Variants in GPC5 observed in about 807,000 individuals in gnomAD.
The protein encoded by GPC5 is glypican 5, also known as glypican-5.
In GPC5, 47 loss-of-function variants were observed where a neutral mutation model predicts 53.9. That is an observed-to-expected ratio of 0.87 (90% confidence interval 0.69 to 1.11). GPC5 has a LOEUF of 1.11. GPC5 is among the 50% of genes most tolerant of loss of function. The probability of loss-of-function intolerance (pLI) is 0.00; values close to 1 mark genes in which losing one functional copy is unlikely to be tolerated. For missense variants in GPC5, 748 were observed against 713.1 expected (o/e 1.05, Z -0.56); for synonymous variants, 286 against 263.3 (o/e 1.09, Z -0.84).
intron 7 of GPC5, among the ~76,000 whole-genome samples, chr13:92,641,386 T>G (rs1885590087): frequency 6.6e-6 from 1 of 152,152 alleles, no homozygotes; most frequent in Non-Finnish European, 1.5e-5. Context: ...GCCTGAATTT[T>G]TCAAAACTCC....
chr13:92,347,553 T>G (rs1304145070), intron 7 of GPC5, among the ~76,000 whole-genome samples: 1 of 151,644 alleles, frequency 6.6e-6, no homozygotes, highest in Non-Finnish European at 1.5e-5. Context: ...TTCTTTAAGC[T>G]GAAACAAAAA....
intron 2 of GPC5, among the ~76,000 whole-genome samples, chr13:91,579,928 A>G (rs1163601702): frequency 6.6e-6 from 1 of 152,074 alleles, no homozygotes; most frequent in Non-Finnish European, 1.5e-5. Context: ...TGCTATTAGT[A>G]AGAGCCTCAG....
chr13:91,958,819 T>C (rs2139071553), intron 6 of GPC5, among the ~76,000 whole-genome samples: 1 of 151,982 alleles, frequency 6.6e-6, no homozygotes, highest in East Asian at 1.9e-4. Flanking sequence ...TAACAAAGTT[T>C]CTTGAAACAA....
chr13:91,432,203 C>CTGCTGGTGTGTGTGTGTGTG (rs1555306318), intron 1 of GPC5, among the ~76,000 whole-genome samples: 1 of 136,354 alleles, frequency 7.3e-6, no homozygotes, highest in African/African-American at 2.8e-5. Flanking sequence ...GCTGCTGCTG[C>CTGCTGGTGTGTGTGTGTGTG]TGTGTGTGTG....
chr13:91,717,718 G>A (rs1186100779), intron 3 of GPC5, among the ~76,000 whole-genome samples: 3 of 151,928 alleles, frequency 2.0e-5, no homozygotes, highest in African/African-American at 4.8e-5. Flanking sequence ...CATCATGCCC[G>A]GCTAATTTTT....
intron 7 of GPC5, among the ~76,000 whole-genome samples, chr13:92,296,011 G>T (rs9589486): frequency 6.6e-6 from 1 of 151,868 alleles, no homozygotes; most frequent in Non-Finnish European, 1.5e-5. Context: ...TGTTGCCTGT[G>T]TACCTTGGTT....
At chr13:91,452,568 A>G (rs375804428) in intron 2 of GPC5, among the ~76,000 whole-genome samples, 1 of 152,124 alleles carries the variant, frequency 6.6e-6, no homozygotes, top group African/African-American at 2.4e-5. Context: ...TTTTGCTATA[A>G]GATTTTCTGC....
intron 7 of GPC5, among the ~76,000 whole-genome samples, chr13:92,186,001 G>A (rs887806469): frequency 2.0e-5 from 3 of 152,106 alleles, no homozygotes; most frequent in African/African-American, 4.8e-5. Flanking sequence ...GCTTTGAGCA[G>A]TAATGAAATA....
At chr13:92,242,235 A>C (rs2042618329) in intron 7 of GPC5, among the ~76,000 whole-genome samples, 1 of 145,062 alleles carries the variant, frequency 6.9e-6, no homozygotes, top group African/African-American at 2.8e-5. Context: ...TCTGTCTCAA[A>C]AAAAAAAAAA....
intron 5 of GPC5, among the ~76,000 whole-genome samples, chr13:91,760,000 G>C (rs1253685375): frequency 6.6e-6 from 1 of 152,076 alleles, no homozygotes; most frequent in Non-Finnish European, 1.5e-5. Flanking sequence ...AAAGTACTAG[G>C]GGGCAGGGAG....
intron 7 of GPC5, among the ~76,000 whole-genome samples, chr13:92,857,180 T>C (rs960574064): frequency 6.6e-6 from 1 of 152,036 alleles, no homozygotes; most frequent in African/African-American, 2.4e-5. Context: ...TAGAAAGAAC[T>C]GATCTTTGAC....
At chr13:92,196,813 A>G (rs1183199867) in intron 7 of GPC5, among the ~76,000 whole-genome samples, 1 of 152,194 alleles carries the variant, frequency 6.6e-6, no homozygotes, top group Admixed American at 6.5e-5. Flanking sequence ...ACAGGCGCAG[A>G]CAGAAGCAGA....
Position 91,504,203 on chromosome 13 carries a change from C to T in GPC5, c.325+55281C>T, listed in dbSNP as rs541245131. Among the ~76,000 whole-genome samples the T allele has an allele frequency of 1.2e-3, 189 of 152,132 alleles. 2 individuals carry two copies. The highest frequency in any genetic ancestry group is 4.3e-3 in the African/African-American group (178 of 41,526). ...CTGAAATGAACATTAAATATGAAAG[C>T]ATCCTTGTATCTACCAGACAGAATT... On this transcript the variant is annotated intron_variant, in intron 2 of 7. Coordinates refer to ENST00000377067, the MANE Select transcript of GPC5 (RefSeq NM_004466.6).
chr13:91,714,432 T>C (rs1416570398), intron 3 of GPC5, among the ~76,000 whole-genome samples: 1 of 152,176 alleles, frequency 6.6e-6, no homozygotes, highest in Admixed American at 6.5e-5. Flanking sequence ...GCTCTGTCCA[T>C]TGATATGAAA....
At chr13:91,858,825 A>G (rs2038994723) in intron 5 of GPC5, among the ~76,000 whole-genome samples, 1 of 151,840 alleles carries the variant, frequency 6.6e-6, no homozygotes, top group Non-Finnish European at 1.5e-5. Flanking sequence ...TTATGTTTCC[A>G]TCTCATTACT....
chr13:92,180,242 C>T (rs963055169), intron 7 of GPC5, among the ~76,000 whole-genome samples: 3 of 152,184 alleles, frequency 2.0e-5, no homozygotes, highest in African/African-American at 7.2e-5. Context: ...TTTAAGGCTG[C>T]AGTTTAAATT....
At chr13:91,937,335 T>G (rs1426813476) in intron 6 of GPC5, among the ~76,000 whole-genome samples, 1 of 152,088 alleles carries the variant, frequency 6.6e-6, no homozygotes, top group East Asian at 1.9e-4. Context: ...TTGAAAATGT[T>G]AAAAGTATAT....
At chr13:92,222,322 G>C (rs543210085) in intron 7 of GPC5, among the ~76,000 whole-genome samples, 1 of 152,280 alleles carries the variant, frequency 6.6e-6, no homozygotes, top group African/African-American at 2.4e-5. Context: ...TGTTTTTACA[G>C]TTGAGTGATT....
At chr13:92,424,947 G>A (rs1206562796) in intron 7 of GPC5, among the ~76,000 whole-genome samples, 1 of 152,044 alleles carries the variant, frequency 6.6e-6, no homozygotes, top group East Asian at 1.9e-4. Context: ...GCAAGTAGAT[G>A]TTGAGTATTT....
Sources: allele counts gnomAD v4.1 joint callset (sites outside exome capture counted in the v4.1 genomes callset), GRCh38; gene constraint gnomAD v4.1.1; transcripts MANE v1.5; gene names NCBI Gene and HGNC (gene_info 2026-07-23, HGNC 2026-07-21).